RNF169: variants seen among roughly 807,000 people sequenced by gnomAD.
RNF169 encodes E3 ubiquitin-protein ligase RNF169.
In RNF169, 24 loss-of-function variants were observed where a neutral mutation model predicts 53.9. That is an observed-to-expected ratio of 0.45 (90% CI 0.32 to 0.63). The LOEUF is 0.63. Ranked by LOEUF, RNF169 falls within the 20% of genes least tolerant of loss-of-function variation. The probability of loss-of-function intolerance (pLI) is 0.04; values close to 1 mark genes in which losing one functional copy is unlikely to be tolerated. For missense variants in RNF169, 883 were observed against 906.2 expected (o/e 0.97, Z 0.33); for synonymous variants, 396 against 363.5 (o/e 1.09, Z -1.02).
Position 74,817,514 on chromosome 11 carries a change from G to T in RNF169, c.724-82G>T, listed in dbSNP as rs2035954274. ...GGAGCTCACAGAGAAGCGACATAGA[G>T]AAAGAGATTTGAACCTATAGCTAGA... On this transcript the variant is annotated intron_variant, in intron 3 of 5. Coordinates refer to ENST00000299563, the MANE Select transcript of RNF169 (RefSeq NM_001098638.2). 7.2e-6 allele frequency: 6 copies of T among 830,260 alleles called. No individual in the cohort carries two copies. The East Asian group carries it at 1.2e-4, about 17-fold the overall frequency. The allele number at this position is 830,260 out of a possible 1,614,324, so 51.4% of individuals were successfully genotyped here. A position where few individuals can be genotyped will look rare whatever the true frequency, so the allele number is the denominator to read the frequency against.
chr11:74,834,544 T>A, intron 4 of RNF169, 132 bp from the exon 5 acceptor site: 1 of 528,186 alleles, frequency 1.9e-6, no homozygotes, highest in Non-Finnish European at 3.3e-6. Context: ...ATTAACTCAT[T>A]TTCTATTGTA....
At chr11:74,781,606 G>C (rs533696085) in intron 1 of RNF169, among the ~76,000 whole-genome samples, 2 of 152,254 alleles carry the variant, frequency 1.3e-5, no homozygotes, top group South Asian at 4.1e-4. Context: ...TGCTAACTCT[G>C]GTCTTATGAA....
chr11:74,832,478 C>T (rs1031065591), intron 4 of RNF169: 1 of 152,018 alleles, frequency 6.6e-6, no homozygotes. Flanking sequence ...GACTGTTTTA[C>T]ACCTGACAAA....
intron 4 of RNF169, among the ~76,000 whole-genome samples, chr11:74,829,293 T>C (rs1021987688): frequency 5.3e-5 from 8 of 152,192 alleles, no homozygotes; most frequent in African/African-American, 1.9e-4. Flanking sequence ...CATAATGAGA[T>C]ACCATCTCAC....
chr11:74,750,879 T>TG (rs1200651597), intron 1 of RNF169, among the ~76,000 whole-genome samples: 2 of 126,774 alleles, frequency 1.6e-5, no homozygotes, highest in African/African-American at 6.0e-5. Flanking sequence ...TTTTTTTTTT[T>TG]TTTTTTTTTT....
At position 74,817,938 on chromosome 11, in the gene RNF169, T is replaced by A. The variant is rs1012328779; in HGVS notation, c.842+224T>A. Among the ~76,000 whole-genome samples the A allele has an allele frequency of 4.9e-4, 75 of 152,182 alleles. 1 individual carries two copies. Among genetic ancestry groups the A allele is most frequent in the Non-Finnish European group, 1.0e-4 (7 of 68,032 alleles). On this transcript the variant is annotated intron_variant, in intron 4 of 5. Transcript: ENST00000299563. ...TTCTGATATCCTCAGGATAGGATTG[T>A]GCTAATTGCTGTGCTGCAAAGTGTG...
At chr11:74,762,123 T>C (rs1145675) in intron 1 of RNF169, among the ~76,000 whole-genome samples, 85,836 of 142,114 alleles carry the variant, frequency 0.6, 27,382 homozygotes, top group East Asian at 0.8. Context: ...GCATTCTTCA[T>C]GTAGTTCTCA....
chr11:74,791,656 G>A (rs1301282457), intron 2 of RNF169, among the ~76,000 whole-genome samples: 2 of 152,196 alleles, frequency 1.3e-5, no homozygotes, highest in Non-Finnish European at 2.9e-5. Context: ...CTTTGAAATC[G>A]GCATGGGTGC....
intron 2 of RNF169, among the ~76,000 whole-genome samples, chr11:74,804,225 T>C (rs1250862847): frequency 6.6e-6 from 1 of 152,126 alleles, no homozygotes; most frequent in Non-Finnish European, 1.5e-5. Context: ...TGTGATGGAA[T>C]GGTGTCCAGT....
intron 1 of RNF169, among the ~76,000 whole-genome samples, chr11:74,752,772 T>G (rs1214023608): frequency 6.6e-6 from 1 of 152,076 alleles, no homozygotes; most frequent in Non-Finnish European, 1.5e-5. Flanking sequence ...TCCACAGCAG[T>G]ATGTTGTATG....
chr11:74,781,009 A>G (rs1430250505), intron 1 of RNF169, among the ~76,000 whole-genome samples: 1 of 152,184 alleles, frequency 6.6e-6, no homozygotes, highest in Non-Finnish European at 1.5e-5. Flanking sequence ...CCTAGCTCCC[A>G]GGGTGTTTGC....
intron 4 of RNF169, among the ~76,000 whole-genome samples, chr11:74,818,494 AT>A (rs35563042): frequency 0.024 from 3,638 of 152,038 alleles, 121 homozygotes; most frequent in African/African-American, 0.084. Flanking sequence ...CTGAGCTCAG[AT>A]GATCCTCCCA....
chr11:74,778,338 C>T (rs1167758925), intron 1 of RNF169, among the ~76,000 whole-genome samples: 1 of 152,182 alleles, frequency 6.6e-6, no homozygotes, highest in Non-Finnish European at 1.5e-5. Context: ...TACACATTTA[C>T]ATATGATAAC....
At chr11:74,820,254 A>G (rs1198976926) in intron 4 of RNF169, among the ~76,000 whole-genome samples, 1 of 152,200 alleles carries the variant, frequency 6.6e-6, no homozygotes, top group Non-Finnish European at 1.5e-5. Context: ...GGGAAGAAGT[A>G]GCATTGTGAC....
chr11:74,799,902 A>C (rs1426039045), intron 2 of RNF169, among the ~76,000 whole-genome samples: 1 of 151,486 alleles, frequency 6.6e-6, no homozygotes, highest in Non-Finnish European at 1.5e-5. Flanking sequence ...TTTAAGCTTA[A>C]GACTTTTTAA....
At chr11:74,805,687 A>C (rs987119560) in intron 2 of RNF169, among the ~76,000 whole-genome samples, 8 of 152,200 alleles carry the variant, frequency 5.3e-5, no homozygotes, top group Non-Finnish European at 8.8e-5. Context: ...AAGATTGATA[A>C]ATTGAACTGC....
chr11:74,814,208 G>GT (rs1174286764), intron 3 of RNF169, among the ~76,000 whole-genome samples: 1 of 151,828 alleles, frequency 6.6e-6, no homozygotes, highest in African/African-American at 2.4e-5. Context: ...TGTAGTCCCA[G>GT]TTACTTGGGA....
intron 4 of RNF169, chr11:74,830,452 A>G (rs1321588324): frequency 6.6e-6 from 1 of 152,132 alleles, no homozygotes; most frequent in Non-Finnish European, 1.5e-5. Flanking sequence ...GAGTGAATGT[A>G]ATGAAATGCA....
chr11:74,822,384 G>A (rs541692487), intron 4 of RNF169, among the ~76,000 whole-genome samples: 8 of 152,230 alleles, frequency 5.3e-5, no homozygotes, highest in South Asian at 2.1e-4. Context: ...TTGTGGGTGC[G>A]GGTATTTTTA....
Sources: gnomAD v4.1 joint callset for allele counts (sites outside exome capture counted in the v4.1 genomes callset) on GRCh38, gnomAD v4.1.1 for gene constraint, MANE v1.5 for transcripts, NCBI Gene and HGNC (gene_info 2026-07-23, HGNC 2026-07-21) for gene names.